The following AKAP12 variants were observed in gnomAD, a reference collection of about 807,000 sequenced individuals.
AKAP12 encodes A-kinase anchor protein 12.
Under a neutral mutation model 79.9 loss-of-function variants are expected in AKAP12, and 32 were observed. That is an observed-to-expected ratio of 0.40 (90% CI 0.30 to 0.54). AKAP12 has a LOEUF of 0.54. AKAP12 is among the 20% of genes least tolerant of loss of function. AKAP12 has a pLI of 0.48. For synonymous variants in AKAP12, 808 were observed against 857.0 expected, an observed-to-expected ratio of 0.94 and a Z score of 1.00; for missense variants, 2,074 against 2,177.0, an observed-to-expected ratio of 0.95 and a Z score of 0.94.
intron 3 of AKAP12, among the ~76,000 whole-genome samples, chr6:151,344,473 T>C (rs1172984361): frequency 6.6e-6 from 1 of 152,172 alleles, no homozygotes; most frequent in African/African-American, 2.4e-5. Flanking sequence ...AAAAAAACTC[T>C]AGGTCACACT....
intron 2 of AKAP12, among the ~76,000 whole-genome samples, chr6:151,263,665 G>A (rs888504473): frequency 6.6e-6 from 1 of 151,822 alleles, no homozygotes; most frequent in South Asian, 2.1e-4. Flanking sequence ...TGCAACTTCC[G>A]CCTCCTGGGT....
intron 2 of AKAP12, among the ~76,000 whole-genome samples, chr6:151,303,115 C>T (rs1229176704): frequency 6.6e-6 from 1 of 152,138 alleles, no homozygotes; most frequent in Non-Finnish European, 1.5e-5. Context: ...ATCACTTGAA[C>T]CCAAAAGGCG....
chr6:151,296,702 G>A (rs548360908), intron 2 of AKAP12, among the ~76,000 whole-genome samples: 8 of 152,224 alleles, frequency 5.3e-5, no homozygotes, highest in East Asian at 3.9e-4. Flanking sequence ...TCTGGACCCC[G>A]GGAGGTGGAG....
chr6:151,348,126 C>G (rs768586245), intron 3 of AKAP12, among the ~76,000 whole-genome samples: 7 of 151,320 alleles, frequency 4.6e-5, no homozygotes, highest in Non-Finnish European at 7.4e-5. Flanking sequence ...GCACTCCAGC[C>G]TGGGTGACAG....
At chr6:151,284,725 C>T (rs554339988) in intron 2 of AKAP12, among the ~76,000 whole-genome samples, 38 of 152,180 alleles carry the variant, frequency 2.5e-4, no homozygotes, top group Non-Finnish European at 4.9e-4. Flanking sequence ...AGATCCAGCT[C>T]AAAACTCAAC....
intron 3 of AKAP12, among the ~76,000 whole-genome samples, chr6:151,344,657 C>G (rs1778041921): frequency 6.6e-6 from 1 of 152,130 alleles, no homozygotes; most frequent in African/African-American, 2.4e-5. Context: ...CCTCAGCCTC[C>G]CGAGTAGCTA....
At chr6:151,257,024 A>G (rs1165776491) in intron 2 of AKAP12, among the ~76,000 whole-genome samples, 1 of 151,736 alleles carries the variant, frequency 6.6e-6, no homozygotes, top group Non-Finnish European at 1.5e-5. Context: ...AAATGGAAAG[A>G]TATGAAATAT....
intron 3 of AKAP12, among the ~76,000 whole-genome samples, chr6:151,321,940 A>G (rs1240030204): frequency 1.7e-5 from 2 of 117,670 alleles, no homozygotes; most frequent in Non-Finnish European, 3.3e-5. Context: ...ACACAGTCTC[A>G]CTTTGTCGCC....
intron 3 of AKAP12, among the ~76,000 whole-genome samples, chr6:151,308,294 CCT>C (rs1424220266): frequency 6.6e-6 from 1 of 151,790 alleles, no homozygotes; most frequent in Admixed American, 6.6e-5. Flanking sequence ...CTCACTGCAA[CCT>C]CTGTCTTCCA....
At chr6:151,318,041 C>G (rs1777274830) in intron 3 of AKAP12, among the ~76,000 whole-genome samples, 1 of 152,198 alleles carries the variant, frequency 6.6e-6, no homozygotes, top group Non-Finnish European at 1.5e-5. Flanking sequence ...GGTTTGTGTC[C>G]CCCTAAACGT....
intron 2 of AKAP12, among the ~76,000 whole-genome samples, chr6:151,284,860 A>C (rs1424264067): frequency 1.3e-5 from 2 of 152,204 alleles, no homozygotes; most frequent in African/African-American, 2.4e-5. Context: ...TCCAGATGAC[A>C]TAGGAACCCA....
chr6:151,305,182 T>G (rs1448238797), intron 2 of AKAP12, among the ~76,000 whole-genome samples: 3 of 151,900 alleles, frequency 2.0e-5, no homozygotes, highest in Non-Finnish European at 2.9e-5. Context: ...TTTTTTTTTT[T>G]TTTTAAAACC....
In AKAP12 at chr6:151,349,928, G is replaced by A; in HGVS notation, c.1537G>A (p.Gly513Arg). The A allele has an allele frequency of 6.2e-7, 1 of 1,614,102 alleles. No homozygotes were observed. Among genetic ancestry groups the A allele is most frequent in the South Asian group, 1.1e-5 (1 of 91,074 alleles). The change falls in exon 4 of 5, where the codon GGA becomes AGA. Residue 513 changes from glycine (G) to arginine (R), a missense_variant. Physicochemically the swap from Gly to Arg is moderately radical, Grantham distance 125 (BLOSUM62 -2). Transcript: ENST00000402676. ...LSSQERMKVQ[G>R]SPLKKLFTST... The stretch of plus-strand genomic sequence containing the variant: ...ATCACAGGAGAGAATGAAGGTGCAG[G>A]GAAGTCCACTAAAGAAGCTTTTTAC...
intron 2 of AKAP12, chr6:151,298,807 A>AG (rs1491550897): frequency 6.6e-6 from 1 of 151,122 alleles, no homozygotes; most frequent in African/African-American, 2.5e-5. Context: ...AAAAAAAAAA[A>AG]CAAGAGAGAA....
At chr6:151,322,670 C>A (rs1043136285) in intron 3 of AKAP12, among the ~76,000 whole-genome samples, 2 of 140,710 alleles carry the variant, frequency 1.4e-5, no homozygotes, top group Non-Finnish European at 3.0e-5. Flanking sequence ...CAGAGGTGAG[C>A]CAAACTAGAG....
At chr6:151,253,381 C>G (rs571955276) in intron 2 of AKAP12, among the ~76,000 whole-genome samples, 2 of 151,986 alleles carry the variant, frequency 1.3e-5, no homozygotes, top group African/African-American at 2.4e-5. Context: ...GTCTTTTGTT[C>G]GTTTTAATTT....
Position 151,351,517 on chromosome 6 carries a change from C to A in AKAP12, c.3126C>A (p.Val1042=), listed in dbSNP as rs377210172. Residue 1042 remains valine, a synonymous_variant, in exon 4 of 5, where the codon GTC becomes GTA. Coordinates refer to ENST00000402676, the MANE Select transcript of AKAP12 (RefSeq NM_005100.4). This position sits in a 1 kb window ranked among gnomAD's most constrained non-coding sequence, Gnocchi z 4.4. The part of the protein sequence containing the change: ...IEEQERRTQE[V]LQAVAEKVKE... ...AGCAAGAGAGGCGGACTCAAGAGGT[C>A]CTCCAGGCAGTGGCAGAAAAAGTGA... The A allele has an allele frequency of 6.2e-6, 10 of 1,613,980 alleles. No homozygotes were observed. The African/African-American group carries it at 1.2e-4, about 19-fold the overall frequency.
chr6:151,324,820 C>CAT (rs1435586326), intron 3 of AKAP12: 1 of 985,244 alleles, frequency 1.0e-6, no homozygotes, highest in African/African-American at 1.7e-5. Context: ...CGTGTCTTTA[C>CAT]AAAGAACAAA....
intron 2 of AKAP12, among the ~76,000 whole-genome samples, chr6:151,258,514 T>G (rs1327690673): frequency 6.6e-6 from 1 of 152,216 alleles, no homozygotes; most frequent in African/African-American, 2.4e-5. Context: ...AAGAAGGTTG[T>G]TTCTTTGTAA....
Sources: allele counts gnomAD v4.1 joint callset (sites outside exome capture counted in the v4.1 genomes callset), GRCh38; gene constraint gnomAD v4.1.1; non-coding constraint Gnocchi (gnomAD v3.1); transcripts MANE v1.5; gene names NCBI Gene and HGNC (gene_info 2026-07-23, HGNC 2026-07-21).